Variants in CACNA2D3 observed in about 807,000 individuals in gnomAD.
CACNA2D3 encodes the protein voltage-dependent calcium channel subunit alpha-2/delta-3.
Under a neutral mutation model 160.6 loss-of-function variants are expected in CACNA2D3, and 60 were observed. The ratio of observed to expected loss-of-function variants is 0.37; its 90% CI spans 0.30 to 0.46. CACNA2D3 has a LOEUF of 0.46. Ranked by LOEUF, CACNA2D3 falls within the 20% of genes least tolerant of loss-of-function variation. The pLI is 1.00. For synonymous variants in CACNA2D3, 558 were observed against 492.9 expected, an observed-to-expected ratio of 1.13 and a Z score of -1.75; for missense variants, 1,205 against 1,365.0, an observed-to-expected ratio of 0.88 and a Z score of 1.85.
chr3:54,729,828 T>C (rs1701351422), intron 11 of CACNA2D3, among the ~76,000 whole-genome samples: 1 of 151,838 alleles, frequency 6.6e-6, no homozygotes, highest in African/African-American at 2.4e-5. Flanking sequence ...TGAAACCCCA[T>C]CTCTACTAAA....
chr3:54,206,996 T>C (rs56398728), intron 2 of CACNA2D3, among the ~76,000 whole-genome samples: 11,742 of 152,256 alleles, frequency 0.077, 598 homozygotes, highest in South Asian at 0.18. Flanking sequence ...TGACAGGGCA[T>C]ACTCTGCCAG....
At chr3:54,650,240 C>G (rs1185346886) in intron 11 of CACNA2D3, among the ~76,000 whole-genome samples, 1 of 143,510 alleles carries the variant, frequency 7.0e-6, no homozygotes, top group Non-Finnish European at 1.5e-5. Flanking sequence ...GCTCTGTCAC[C>G]CAGGCTGGAG....
At chr3:54,324,481 A>G (rs1704078585) in intron 3 of CACNA2D3, among the ~76,000 whole-genome samples, 1 of 152,174 alleles carries the variant, frequency 6.6e-6, no homozygotes, top group African/African-American at 2.4e-5. Flanking sequence ...AGTAATTTCC[A>G]TTAACATAAT....
At chr3:54,602,604 A>T (rs1398400637) in intron 9 of CACNA2D3, among the ~76,000 whole-genome samples, 1 of 152,084 alleles carries the variant, frequency 6.6e-6, no homozygotes, top group East Asian at 1.9e-4. Context: ...TGTGAATTAT[A>T]CAGGTCACAC....
At chr3:54,918,892 C>G in intron 27 of CACNA2D3, 1 of 1,520,204 alleles carries the variant, frequency 6.6e-7, no homozygotes, top group South Asian at 1.3e-5. Context: ...TGTTAGTCCC[C>G]CTTTAAAAAA....
chr3:54,433,879 C>G (rs548181193), intron 4 of CACNA2D3, among the ~76,000 whole-genome samples: 1 of 152,304 alleles, frequency 6.6e-6, no homozygotes, highest in Admixed American at 6.5e-5. Flanking sequence ...AGCCAAGGAC[C>G]AATGGAAATA....
At chr3:54,677,625 G>T (rs1171787600) in intron 11 of CACNA2D3, among the ~76,000 whole-genome samples, 13 of 149,230 alleles carry the variant, frequency 8.7e-5, no homozygotes, top group South Asian at 4.3e-4. Context: ...TTTTTTGGGG[G>T]GGGGGCAACG....
At chr3:54,755,174 C>G (rs1181885402) in intron 12 of CACNA2D3, among the ~76,000 whole-genome samples, 1 of 152,152 alleles carries the variant, frequency 6.6e-6, no homozygotes, top group Non-Finnish European at 1.5e-5. Context: ...ACTAGCAAAT[C>G]TAAATTCTGA....
intron 2 of CACNA2D3, among the ~76,000 whole-genome samples, chr3:54,247,136 AC>A (rs1702097838): frequency 6.6e-6 from 1 of 152,124 alleles, no homozygotes; most frequent in Non-Finnish European, 1.5e-5. Flanking sequence ...ACATGGTGAA[AC>A]CCTGTCTACT....
At chr3:54,801,947 C>T (rs967556078) in intron 13 of CACNA2D3, among the ~76,000 whole-genome samples, 1 of 152,228 alleles carries the variant, frequency 6.6e-6, no homozygotes, top group Non-Finnish European at 1.5e-5. Flanking sequence ...ACCCATAAGT[C>T]TTTCCAACAA....
intron 35 of CACNA2D3, among the ~76,000 whole-genome samples, chr3:55,066,366 C>T (rs1704636003): frequency 1.3e-5 from 2 of 152,154 alleles, no homozygotes; most frequent in African/African-American, 2.4e-5. Flanking sequence ...AGGGTCAAAA[C>T]GTTTTAAGAT....
intron 10 of CACNA2D3, among the ~76,000 whole-genome samples, chr3:54,640,520 T>C (rs1312621438): frequency 6.6e-6 from 1 of 152,204 alleles, no homozygotes; most frequent in Non-Finnish European, 1.5e-5. Flanking sequence ...TCAGTCACTC[T>C]AGCTGCCTAC....
At chr3:54,501,561 T>C (rs7616017) in intron 4 of CACNA2D3, among the ~76,000 whole-genome samples, 150,934 of 151,634 alleles carry the variant, frequency 1, 75,131 homozygotes, top group Middle Eastern at 1. Flanking sequence ...CGGGTGCTGC[T>C]GCAACCGACT....
intron 6 of CACNA2D3, among the ~76,000 whole-genome samples, chr3:54,568,710 T>G (rs1702447620): frequency 6.6e-6 from 1 of 152,228 alleles, no homozygotes; most frequent in Non-Finnish European, 1.5e-5. Context: ...ATACTAACAT[T>G]TTCTGATTTC....
intron 5 of CACNA2D3, among the ~76,000 whole-genome samples, chr3:54,534,368 A>C (rs147219207): frequency 2.4e-3 from 359 of 152,102 alleles, no homozygotes; most frequent in Non-Finnish European, 3.6e-3. Flanking sequence ...TCCACTCACA[A>C]CTGTAACCTT....
chr3:55,000,573 A>AAAAT (rs1004977584), intron 31 of CACNA2D3, among the ~76,000 whole-genome samples: 13 of 152,346 alleles, frequency 8.5e-5, no homozygotes, highest in East Asian at 1.9e-4. Context: ...GTAATATTTA[A>AAAAT]AAATAAATAA....
intron 13 of CACNA2D3, among the ~76,000 whole-genome samples, chr3:54,780,740 A>G (rs1426759469): frequency 6.6e-6 from 1 of 152,228 alleles, no homozygotes; most frequent in Non-Finnish European, 1.5e-5. Flanking sequence ...ATAGAATGGT[A>G]GTGAGTTTCC....
chr3:54,465,272 T>G (rs1279924062), intron 4 of CACNA2D3, among the ~76,000 whole-genome samples: 1 of 152,168 alleles, frequency 6.6e-6, no homozygotes, highest in African/African-American at 2.4e-5. Context: ...GAATTTCCTG[T>G]TTGATTACTT....
intron 4 of CACNA2D3, among the ~76,000 whole-genome samples, chr3:54,490,814 TG>T (rs1263685859): frequency 6.6e-6 from 1 of 152,000 alleles, no homozygotes; most frequent in Non-Finnish European, 1.5e-5. Flanking sequence ...GCGGGGTTGC[TG>T]GGAAGGGGAA....
Sources: gnomAD v4.1 joint callset for allele counts (sites outside exome capture counted in the v4.1 genomes callset) on GRCh38, gnomAD v4.1.1 for gene constraint, MANE v1.5 for transcripts, NCBI Gene and HGNC (gene_info 2026-07-23, HGNC 2026-07-21) for gene names.